RBFOX3: variants seen among roughly 807,000 people sequenced by gnomAD.
RBFOX3 encodes the protein RNA binding protein fox-1 homolog 3.
Under a neutral mutation model 48.7 loss-of-function variants are expected in RBFOX3, and 17 were observed. That is an observed-to-expected ratio of 0.35 (90% CI 0.24 to 0.52). The LOEUF (loss-of-function observed/expected upper bound fraction) is 0.52, where lower values mean the gene tolerates loss of function less well. RBFOX3 is among the 20% of genes least tolerant of loss of function. The pLI is 0.94. For synonymous variants in RBFOX3, 212 were observed against 209.5 expected, an observed-to-expected ratio of 1.01 and a Z score of -0.10; for missense variants, 382 against 497.5, an observed-to-expected ratio of 0.77 and a Z score of 2.21.
At chr17:79,264,325 G>C (rs896354207) in intron 3 of RBFOX3, among the ~76,000 whole-genome samples, 1 of 151,376 alleles carries the variant, frequency 6.6e-6, no homozygotes, top group African/African-American at 2.4e-5. Flanking sequence ...ATCCATGTGC[G>C]TCGCCCTCCC....
intron 2 of RBFOX3, among the ~76,000 whole-genome samples, chr17:79,464,317 G>A (rs534966535): frequency 2.3e-4 from 35 of 152,368 alleles, no homozygotes; most frequent in Non-Finnish European, 4.1e-4. Flanking sequence ...AAATGTTAGC[G>A]ACAGCCCGGA....
At chr17:79,175,788 G>A (rs1034680628) in intron 4 of RBFOX3, among the ~76,000 whole-genome samples, 1 of 152,272 alleles carries the variant, frequency 6.6e-6, no homozygotes, top group African/African-American at 2.4e-5. Flanking sequence ...GTGGGCAGCA[G>A]GTCCGAGCTG....
chr17:79,179,478 G>A (rs1039485084), intron 4 of RBFOX3, among the ~76,000 whole-genome samples: 36 of 152,150 alleles, frequency 2.4e-4, no homozygotes, highest in African/African-American at 8.7e-4. Flanking sequence ...AATTCACGAC[G>A]CGTCCCCCAG....
the RBFOX3 span, among the ~76,000 whole-genome samples, chr17:79,655,798 G>A: frequency 6.6e-6 from 1 of 152,120 alleles, no homozygotes; most frequent in Admixed American, 6.5e-5. Flanking sequence ...TCAGTATGGG[G>A]TGTCCACCAA....
chr17:79,322,768 A>C (rs2078728429), intron 2 of RBFOX3, among the ~76,000 whole-genome samples: 1 of 152,164 alleles, frequency 6.6e-6, no homozygotes, highest in Admixed American at 6.5e-5. Flanking sequence ...GGAGGATACC[A>C]GGCTTGTTTT....
At chr17:79,319,684 C>A (rs1275261902) in intron 2 of RBFOX3, among the ~76,000 whole-genome samples, 1 of 150,276 alleles carries the variant, frequency 6.7e-6, no homozygotes, top group Admixed American at 6.6e-5. Flanking sequence ...TGGGCTATAT[C>A]TGGGCTGCTG....
chr17:79,144,449 C>T (rs984961092), intron 4 of RBFOX3, among the ~76,000 whole-genome samples: 1 of 152,218 alleles, frequency 6.6e-6, no homozygotes, highest in African/African-American at 2.4e-5. Context: ...CTCCTGCAGG[C>T]CTCACTCAGA....
rs916936286 is a variant in RBFOX3 at position 79,111,163 on chromosome 17, G to A, written c.222+4331C>T. 6.6e-6 allele frequency among the ~76,000 whole-genome samples: 1 copy of A among 152,242 alleles called. No homozygotes were observed. The highest frequency in any genetic ancestry group is 1.5e-5 in the Non-Finnish European group (1 of 68,036). On this transcript the variant is annotated intron_variant, in intron 5 of 14. Transcript: ENST00000693108. The surrounding 1 kb of genome is among the most constrained non-coding windows in gnomAD (Gnocchi z 4.2). ...ACAGAGGTTCATCCTGGGGCTGCAGGTCACTGGGCAGAGAGGCCTCCAGGG... is the reference window on the plus strand; with the variant it reads ...ACAGAGGTTCATCCTGGGGCTGCAGATCACTGGGCAGAGAGGCCTCCAGGG...
intron 3 of RBFOX3, among the ~76,000 whole-genome samples, chr17:79,256,889 T>C (rs552626891): frequency 1.3e-5 from 2 of 151,228 alleles, no homozygotes; most frequent in Non-Finnish European, 2.9e-5. Context: ...GCCACTGCAC[T>C]CCAGCCTGGG....
At chr17:79,283,741 G>A (rs1017439671) in intron 3 of RBFOX3, among the ~76,000 whole-genome samples, 1 of 152,226 alleles carries the variant, frequency 6.6e-6, no homozygotes, top group Admixed American at 6.5e-5. Context: ...TGCCCATCAT[G>A]CAGAGCGGTT....
rs978009054 is a variant in RBFOX3 at position 79,530,794 on chromosome 17, G to A, written c.-319-48196C>T. 1.6e-4 allele frequency among the ~76,000 whole-genome samples: 24 copies of A among 152,306 alleles called. No individual in the cohort carries two copies. In the South Asian group the frequency reaches 1.7e-3, roughly 11 times the overall value. On this transcript the variant is annotated intron_variant, in intron 1 of 14. Transcript: ENST00000693108. ...CACATGCCGCGGGACCACAGAGGAC[G>A]GAGCCTCCGGGAGCTTCCAGAGCAG...
chr17:79,143,168 C>G (rs1362388413), intron 4 of RBFOX3, among the ~76,000 whole-genome samples: 1 of 152,176 alleles, frequency 6.6e-6, no homozygotes, highest in Non-Finnish European at 1.5e-5. Context: ...GTCCCTGTGT[C>G]TGTGTTTTGG....
chr17:79,142,945 C>T (rs377082855), intron 4 of RBFOX3, among the ~76,000 whole-genome samples: 1 of 152,156 alleles, frequency 6.6e-6, no homozygotes, highest in South Asian at 2.1e-4. Flanking sequence ...CCTGGCATCC[C>T]ACTGAGTCCA....
At chr17:79,256,933 A>G (rs2064957663) in intron 3 of RBFOX3, among the ~76,000 whole-genome samples, 1 of 129,160 alleles carries the variant, frequency 7.7e-6, no homozygotes, top group South Asian at 2.7e-4. Flanking sequence ...AAACAAACAA[A>G]CAAACAAAAC....
intron 1 of RBFOX3, among the ~76,000 whole-genome samples, chr17:79,571,109 C>G (rs1171438040): frequency 1.3e-5 from 2 of 152,194 alleles, no homozygotes; most frequent in African/African-American, 4.8e-5. Context: ...TCATTTAACT[C>G]GTTGAAAAGG....
intron 6 of RBFOX3, among the ~76,000 whole-genome samples, chr17:79,106,236 C>T (rs1223908139): frequency 6.6e-6 from 1 of 152,160 alleles, no homozygotes; most frequent in East Asian, 1.9e-4. Flanking sequence ...GCTGCCCCTC[C>T]AGGTACCCTC....
At chr17:79,353,142 T>TGCCCTGAACAACCTC (rs767423627) in intron 2 of RBFOX3, among the ~76,000 whole-genome samples, 14 of 152,234 alleles carry the variant, frequency 9.2e-5, no homozygotes, top group Non-Finnish European at 1.8e-4. Flanking sequence ...TGGACGATCA[T>TGCCCTGAACAACCTC]GCCCTGAACA....
At chr17:79,145,491 C>T (rs2042838358) in intron 4 of RBFOX3, among the ~76,000 whole-genome samples, 1 of 152,204 alleles carries the variant, frequency 6.6e-6, no homozygotes, top group African/African-American at 2.4e-5. Context: ...AATGTGCAAC[C>T]GAGTTTGGGA....
chr17:79,254,450 G>C lies in RBFOX3; in HGVS notation c.-73-18645C>G, dbSNP rs1244468578. Among the ~76,000 whole-genome samples the C allele has an allele frequency of 6.6e-6, 1 of 152,002 alleles. No homozygotes were observed. Among genetic ancestry groups the C allele is most frequent in the Non-Finnish European group, 1.5e-5 (1 of 68,012 alleles). On this transcript the variant is annotated intron_variant, in intron 3 of 14. Coordinates refer to ENST00000693108, the MANE Select transcript of RBFOX3 (RefSeq NM_001350451.2). The surrounding 1 kb of genome is among the most constrained non-coding windows in gnomAD (Gnocchi z 4.8). ...CAGGGCCCAGCCTTGAGACCAACCA[G>C]CTGGACTCTTGCACACTGACCTCTG...
Sources: allele counts gnomAD v4.1 joint callset (sites outside exome capture counted in the v4.1 genomes callset), GRCh38; gene constraint gnomAD v4.1.1; non-coding constraint Gnocchi (gnomAD v3.1); transcripts MANE v1.5; gene names NCBI Gene and HGNC (gene_info 2026-07-23, HGNC 2026-07-21).